Variants in PDZD2 observed in about 807,000 individuals in gnomAD.
The protein encoded by PDZD2 is PDZ domain-containing protein 2.
A neutral mutation model predicts 220.7 loss-of-function variants in PDZD2; 90 were observed. The observed-to-expected ratio is 0.41, with a 90% CI of 0.34 to 0.49. The LOEUF (loss-of-function observed/expected upper bound fraction) is 0.49, where lower values mean the gene tolerates loss of function less well. Among genes scored for constraint, PDZD2 ranks in the 20% least tolerant of loss-of-function variants. PDZD2 has a pLI of 0.28. For synonymous variants in PDZD2, 1,375 were observed against 1,450.5 expected, an observed-to-expected ratio of 0.95 and a Z score of 1.18; for missense variants, 3,174 against 3,608.5, an observed-to-expected ratio of 0.88 and a Z score of 3.08.
chr5:32,072,762 TA>T (rs1740881792), intron 17 of PDZD2, among the ~76,000 whole-genome samples: 1 of 152,198 alleles, frequency 6.6e-6, no homozygotes, highest in African/African-American at 2.4e-5. Flanking sequence ...GCCACTCAGT[TA>T]CTCAGTAAAT....
At chr5:31,799,835 T>C (rs916192169) in intron 2 of PDZD2, 111 bp downstream of exon 2, 2 of 720,080 alleles carry the variant, frequency 2.8e-6, no homozygotes, top group African/African-American at 3.5e-5. Flanking sequence ...GCTGATGGCA[T>C]AAGAAATGTC....
At chr5:32,104,865 G>A (rs1456695432) in intron 24 of PDZD2, among the ~76,000 whole-genome samples, 1 of 151,652 alleles carries the variant, frequency 6.6e-6, no homozygotes, top group African/African-American at 2.4e-5. Flanking sequence ...GCAGGGTACC[G>A]TGGCTCACAC....
In PDZD2 at chr5:31,721,807, TGAG is replaced by T. The variant is rs140627480; in HGVS notation, c.-360-77077_-360-77075del. Among the ~76,000 whole-genome samples, 1,102 of 152,058 alleles carry T rather than the reference TGAG, an allele frequency of 7.2e-3. 19 individuals carry two copies. Among genetic ancestry groups the T allele is most frequent in the African/African-American group, 0.025 (1,025 of 41,486 alleles). On this transcript the variant is annotated intron_variant, in intron 1 of 24. Transcript: ENST00000438447. The stretch of plus-strand genomic sequence containing the variant: ...TTGGTCAATAAATATTTATTAATAA[TGAG>T]GAGGCTGAGAATGAGGATATTTTAA...
chr5:32,026,430 G>A (rs1177352973), intron 6 of PDZD2, among the ~76,000 whole-genome samples: 6 of 152,154 alleles, frequency 3.9e-5, no homozygotes, highest in African/African-American at 1.4e-4. Context: ...GAGCAACTGC[G>A]CCCAGCCTTG....
intron 6 of PDZD2, among the ~76,000 whole-genome samples, chr5:32,025,557 A>AAAACAACT (rs1554027774): frequency 2.3e-5 from 3 of 128,394 alleles, no homozygotes; most frequent in African/African-American, 9.6e-5. Context: ...AAACAAACAA[A>AAAACAACT]AAACAACTAG....
In PDZD2 at chr5:31,983,420, A is replaced by C; in HGVS notation, c.742A>C (p.Thr248Pro). ...AGCEVSSDPS[T>P]ELENGPDPEL... ...CTGTGAGGTGTCCAGTGACCCCAGC[A>C]CTGAGCTGGAGAACGGCCCTGACCC... is the stretch of plus-strand genomic sequence containing the variant. The change falls in exon 3 of 25, where the codon ACT becomes CCT. Residue 248 changes from threonine to proline, a missense_variant. Physicochemically the swap from Thr to Pro is conservative, Grantham distance 38. Coordinates refer to ENST00000438447, the MANE Select transcript of PDZD2 (RefSeq NM_178140.4). The C allele has an allele frequency of 1.2e-6, 2 of 1,614,168 alleles. No homozygotes were observed. The highest frequency in any genetic ancestry group is 1.1e-5 in the South Asian group (1 of 91,088).
At chr5:31,905,964 T>C (rs1407864630) in intron 2 of PDZD2, among the ~76,000 whole-genome samples, 6 of 151,910 alleles carry the variant, frequency 3.9e-5, no homozygotes, top group Admixed American at 2.6e-4. Context: ...GGTTTTTAAG[T>C]GTGTGTATGT....
chr5:31,724,946 T>C (rs977343349), intron 1 of PDZD2, among the ~76,000 whole-genome samples: 3 of 152,174 alleles, frequency 2.0e-5, no homozygotes, highest in Admixed American at 6.6e-5. Context: ...ACCAAATACT[T>C]CAAGCATAAA....
intron 23 of PDZD2, chr5:32,100,154 C>G (rs139585900): frequency 6.5e-6 from 1 of 152,792 alleles, no homozygotes; most frequent in East Asian, 1.9e-4. Flanking sequence ...CATGCTCCCC[C>G]CAGTGTTAGT....
chr5:31,661,312 G>A (rs560291418), intron 1 of PDZD2: 1 of 152,318 alleles, frequency 6.6e-6, no homozygotes, highest in Middle Eastern at 3.4e-3. Flanking sequence ...TTGAGGTATA[G>A]GAAGAATATG....
intron 6 of PDZD2, among the ~76,000 whole-genome samples, chr5:32,021,691 A>G (rs1754214532): frequency 6.6e-6 from 1 of 152,194 alleles, no homozygotes; most frequent in African/African-American, 2.4e-5. Context: ...TTAGCACTTA[A>G]AATCAGAACG....
intron 2 of PDZD2, among the ~76,000 whole-genome samples, chr5:31,979,044 T>C (rs1223359955): frequency 6.6e-6 from 1 of 152,136 alleles, no homozygotes; most frequent in African/African-American, 2.4e-5. Context: ...GGAACTTCCA[T>C]GAGAGTACAG....
intron 2 of PDZD2, among the ~76,000 whole-genome samples, chr5:31,831,936 A>AATAACG (rs1561492980): frequency 6.7e-6 from 1 of 148,732 alleles, no homozygotes; most frequent in Admixed American, 6.7e-5. Context: ...AAAAAAAAAG[A>AATAACG]ATAACGATGG....
intron 1 of PDZD2, among the ~76,000 whole-genome samples, chr5:31,663,720 C>T (rs952112453): frequency 1.3e-4 from 20 of 152,220 alleles, no homozygotes; most frequent in South Asian, 8.3e-4. Flanking sequence ...TATTTGGCTC[C>T]GTGTGATACC....
At chr5:31,988,269 C>G (rs1023822903) in intron 3 of PDZD2, among the ~76,000 whole-genome samples, 2 of 152,194 alleles carry the variant, frequency 1.3e-5, no homozygotes, top group African/African-American at 4.8e-5. Flanking sequence ...ATTTGAGGCC[C>G]TTTATTATCT....
chr5:31,652,466 T>C (rs1745389079), intron 1 of PDZD2, among the ~76,000 whole-genome samples: 1 of 152,242 alleles, frequency 6.6e-6, no homozygotes, highest in African/African-American at 2.4e-5. Flanking sequence ...TAGTATTATC[T>C]TCTCAACATG....
chr5:32,018,408 T>A (rs1753938722), intron 6 of PDZD2, among the ~76,000 whole-genome samples: 1 of 152,230 alleles, frequency 6.6e-6, no homozygotes, highest in African/African-American at 2.4e-5. Flanking sequence ...TCTCCCTATT[T>A]TCTGCAGTTC....
At chr5:32,077,397 T>C (rs1028958203) in intron 18 of PDZD2, 65 bp from the exon 19 acceptor site, 1 of 1,545,964 alleles carries the variant, frequency 6.5e-7, no homozygotes, top group African/African-American at 1.4e-5. Context: ...CTATATATGA[T>C]CTCATCTTAC....
At chr5:31,669,794 C>T (rs1175461382) in intron 1 of PDZD2, among the ~76,000 whole-genome samples, 2 of 152,152 alleles carry the variant, frequency 1.3e-5, no homozygotes, top group Non-Finnish European at 2.9e-5. Context: ...CTGTTACCAT[C>T]TATCTGCTCT....
Sources: allele counts gnomAD v4.1 joint callset (sites outside exome capture counted in the v4.1 genomes callset), GRCh38; gene constraint gnomAD v4.1.1; transcripts MANE v1.5; gene names NCBI Gene and HGNC (gene_info 2026-07-23, HGNC 2026-07-21).